NCOA3: variants seen among roughly 807,000 people sequenced by gnomAD.
NCOA3 encodes the protein CBP-interacting protein.
A neutral mutation model predicts 158.8 loss-of-function variants in NCOA3; 51 were observed. That is an observed-to-expected ratio of 0.32 (90% CI 0.26 to 0.41). NCOA3 has a LOEUF of 0.41. Ranked by LOEUF, NCOA3 falls within the 10% of genes least tolerant of loss-of-function variation. NCOA3 has a pLI of 1.00. For missense variants in NCOA3, 1,510 were observed against 1,746.6 expected (o/e 0.86, Z 2.41); for synonymous variants, 537 against 592.4 (o/e 0.91, Z 1.36).
intron 1 of NCOA3, among the ~76,000 whole-genome samples, chr20:47,566,852 C>T (rs1025462946): frequency 2.6e-5 from 4 of 151,858 alleles, no homozygotes; most frequent in East Asian, 1.9e-4. Context: ...GGTAGAGTGG[C>T]GTGTACCTGT....
At chr20:47,612,492 A>G (rs1175236245) in intron 2 of NCOA3, among the ~76,000 whole-genome samples, 1 of 152,224 alleles carries the variant, frequency 6.6e-6, no homozygotes, top group Admixed American at 6.5e-5. Context: ...TCTAGATGGA[A>G]AAGCGATGTG....
chr20:47,527,428 T>A (rs2084474568), intron 1 of NCOA3, among the ~76,000 whole-genome samples: 4 of 152,218 alleles, frequency 2.6e-5, no homozygotes, highest in Non-Finnish European at 5.9e-5. Context: ...TTGCTTAGTC[T>A]AATTCCCTGA....
intron 21 of NCOA3, 34 bp from the exon 22 acceptor site, chr20:47,652,897 T>A (rs1399309317): frequency 1.2e-6 from 2 of 1,610,238 alleles, no homozygotes; most frequent in Non-Finnish European, 1.7e-6. Flanking sequence ...TAAAGTGACT[T>A]CCAGAGGTAA....
intron 1 of NCOA3, among the ~76,000 whole-genome samples, chr20:47,537,855 T>C (rs890627078): frequency 2.0e-5 from 3 of 152,102 alleles, no homozygotes; most frequent in Admixed American, 1.3e-4. Context: ...GTGCTAGGAT[T>C]ACAGGCATGA....
chr20:47,564,546 C>CTT (rs11478554), intron 1 of NCOA3, among the ~76,000 whole-genome samples: 12 of 144,692 alleles, frequency 8.3e-5, no homozygotes, highest in Non-Finnish European at 1.5e-4. Context: ...TATTTCTCCT[C>CTT]TTTTTTTTTT....
chr20:47,544,380 G>A (rs890250588), intron 1 of NCOA3, among the ~76,000 whole-genome samples: 2 of 138,166 alleles, frequency 1.4e-5, no homozygotes, highest in Non-Finnish European at 3.0e-5. Context: ...CTGGAATGCA[G>A]TTGTGCTGAC....
intron 2 of NCOA3, among the ~76,000 whole-genome samples, chr20:47,611,778 C>T (rs572714728): frequency 1.9e-4 from 29 of 151,940 alleles, no homozygotes; most frequent in African/African-American, 5.1e-4. Context: ...GGTGACAGAG[C>T]GAGACTCCAT....
chr20:47,581,265 G>A (rs2179130), intron 1 of NCOA3, among the ~76,000 whole-genome samples: 140,855 of 152,278 alleles, frequency 0.92, 65,284 homozygotes, highest in East Asian at 0.98. Flanking sequence ...AAATATTTAA[G>A]AAATCTGAAA....
intron 1 of NCOA3, among the ~76,000 whole-genome samples, chr20:47,503,966 T>C (rs2083983819): frequency 6.6e-6 from 1 of 152,198 alleles, no homozygotes; most frequent in South Asian, 2.1e-4. Flanking sequence ...ATACCAGCTT[T>C]TGGCATATAG....
Position 47,635,421 on chromosome 20 carries a change from G to A in NCOA3, c.1212G>A (p.Ser404=), listed in dbSNP as rs369152989. Residue 404 remains serine, a synonymous_variant, in exon 11 of 23, where the codon TCG becomes TCA. Coordinates refer to ENST00000371998, the MANE Select transcript of NCOA3 (RefSeq NM_181659.3). ...CNSSVGGMSM[S]PNQGLQMPSS... is the part of the protein sequence containing the mutation. ...GTTCGGTAGGCGGCATGAGTATGTC[G>A]CCAAACCAAGGCTTACAGATGCCGA... is the stretch of plus-strand genomic sequence containing the variant. The A allele has an allele frequency of 2.4e-5, 38 of 1,614,078 alleles. No individual in the cohort carries two copies. The East Asian group carries it at 2.9e-4, about 12-fold the overall frequency.
Position 47,504,366 on chromosome 20 carries a change from A to G in NCOA3, c.-99+2347A>G, listed in dbSNP as rs185473324. On this transcript the variant is annotated intron_variant, in intron 1 of 22. Transcript: ENST00000371998. ...ACGTGAGACCCTTTTTCTAGGCGAT[A>G]TGCAAATAAAAAGTAGTTTAAAAAT... 6.8e-4 allele frequency among the ~76,000 whole-genome samples: 103 copies of G among 152,144 alleles called. 2 individuals are homozygous for G. The highest frequency in any genetic ancestry group is 2.3e-3 in the African/African-American group (97 of 41,536).
rs568537807 is a variant in NCOA3 at position 47,549,387 on chromosome 20, C to T, written c.-98-33796C>T. On this transcript the variant is annotated intron_variant, in intron 1 of 22. Coordinates refer to ENST00000371998, the MANE Select transcript of NCOA3 (RefSeq NM_181659.3). ...AAATTAAAAAAAAAAATTAGCTGGG[C>T]ATGATGTGGTTAAAAAAAAATTTAT... Among the ~76,000 whole-genome samples the T allele has an allele frequency of 4.6e-5, 7 of 151,156 alleles. No individual in the cohort carries two copies. In the East Asian group the frequency reaches 1.4e-3, roughly 30 times the overall value.
At position 47,635,664 on chromosome 20, in the gene NCOA3, T is replaced by A. The variant is rs779706891; in HGVS notation, c.1455T>A (p.Arg485=). The stretch of plus-strand genomic sequence containing the variant: ...AGCAGAATATCATGATTTCTCCTCG[T>A]AATCGTGGGAGTCCAAAGATAGCCT... The part of the protein sequence containing the change: ...PNQQNIMISP[R]NRGSPKIASH... Residue 485 remains arginine, a synonymous_variant, in exon 11 of 23, where the codon CGT becomes CGA. Coordinates refer to ENST00000371998, the MANE Select transcript of NCOA3 (RefSeq NM_181659.3). 8.1e-6 allele frequency: 13 copies of A among 1,614,180 alleles called. No individual in the cohort carries two copies. The highest frequency in any genetic ancestry group is 1.1e-5 in the Non-Finnish European group (13 of 1,180,006).
Position 47,558,232 on chromosome 20 carries a change from A to ATCT in NCOA3, c.-98-24950_-98-24949insCTT, listed in dbSNP as rs2085041315. On this transcript the variant is annotated intron_variant, in intron 1 of 22. Transcript: ENST00000371998. Reference sequence around the variant, plus strand: ...CACCTCCACGCCCAGCTAATTTTGTATTTTTTTTTTTTTTTTTTTTTTTTT... The same window carrying ATCT: ...CACCTCCACGCCCAGCTAATTTTGTATCTTTTTTTTTTTTTTTTTTTTTTTTTT... 5.4e-5 allele frequency among the ~76,000 whole-genome samples: 3 copies of ATCT among 55,528 alleles called. No homozygotes were observed. In the East Asian group the frequency reaches 1.8e-3, roughly 33 times the overall value. The allele number at this position is 55,528 out of a possible 152,430, so 36.4% of individuals were successfully genotyped here.
chr20:47,624,973 A>G (rs1444855127), intron 4 of NCOA3, among the ~76,000 whole-genome samples: 1 of 151,996 alleles, frequency 6.6e-6, no homozygotes, highest in Admixed American at 6.5e-5. Flanking sequence ...GGGTTTTGCC[A>G]TGTTGGCCAG....
At chr20:47,618,436 C>T (rs548483011) in intron 2 of NCOA3, among the ~76,000 whole-genome samples, 17 of 147,626 alleles carry the variant, frequency 1.2e-4, no homozygotes, top group Admixed American at 1.0e-3. Flanking sequence ...CTTACTGCAA[C>T]CTCCATCTCC....
At chr20:47,518,366 G>A (rs560399460) in intron 1 of NCOA3, among the ~76,000 whole-genome samples, 1 of 150,106 alleles carries the variant, frequency 6.7e-6, no homozygotes, top group Non-Finnish European at 1.5e-5. Context: ...AATTAAATTG[G>A]GGGAAAAAAA....
chr20:47,522,397 C>T (rs887218376), intron 1 of NCOA3, among the ~76,000 whole-genome samples: 3 of 145,494 alleles, frequency 2.1e-5, no homozygotes, highest in Admixed American at 6.7e-5. Flanking sequence ...TGAGCCACAG[C>T]GCCCGGCCCT....
At chr20:47,600,724 C>G (rs1358918662) in intron 2 of NCOA3, among the ~76,000 whole-genome samples, 2 of 149,898 alleles carry the variant, frequency 1.3e-5, no homozygotes, top group Admixed American at 1.3e-4. Flanking sequence ...CCATGTTGCC[C>G]AGTCTGGTTT....
Sources: allele counts gnomAD v4.1 joint callset (sites outside exome capture counted in the v4.1 genomes callset), GRCh38; gene constraint gnomAD v4.1.1; transcripts MANE v1.5; gene names NCBI Gene and HGNC (gene_info 2026-07-23, HGNC 2026-07-21).